Variants in MAGI1 observed in about 807,000 individuals in gnomAD.
The protein encoded by MAGI1 is membrane-associated guanylate kinase, WW and PDZ domain-containing protein 1.
MAGI1 carries 58 observed loss-of-function variants against 139.9 expected under a neutral mutation model. The observed-to-expected ratio is 0.41, with a 90% CI of 0.34 to 0.52. The LOEUF is 0.52. MAGI1 is among the 20% of genes least tolerant of loss of function. MAGI1 has a pLI of 0.12. For synonymous variants in MAGI1, 812 were observed against 737.9 expected, an observed-to-expected ratio of 1.10 and a Z score of -1.63; for missense variants, 1,874 against 1,901.6, an observed-to-expected ratio of 0.99 and a Z score of 0.27.
At chr3:65,803,797 G>A (rs1484463398) in intron 1 of MAGI1, among the ~76,000 whole-genome samples, 2 of 152,106 alleles carry the variant, frequency 1.3e-5, no homozygotes, top group Admixed American at 1.3e-4. Context: ...AGAACATGCA[G>A]TATTGGTGCT....
intron 1 of MAGI1, among the ~76,000 whole-genome samples, chr3:65,878,652 GATAAAGCAC>G (rs1411356903): frequency 6.6e-6 from 1 of 151,944 alleles, no homozygotes; most frequent in African/African-American, 2.4e-5. Flanking sequence ...AAAAGTAAAA[GATAAAGCAC>G]ACCAGTGACA....
chr3:65,678,054 C>T (rs974222807), intron 1 of MAGI1, among the ~76,000 whole-genome samples: 2 of 152,174 alleles, frequency 1.3e-5, no homozygotes, highest in African/African-American at 4.8e-5. Flanking sequence ...CCATCATTTT[C>T]AGCTAATTAA....
intron 1 of MAGI1, among the ~76,000 whole-genome samples, chr3:65,836,717 G>C (rs565284704): frequency 6.6e-6 from 1 of 152,106 alleles, no homozygotes; most frequent in Non-Finnish European, 1.5e-5. Context: ...TACTCGGGTG[G>C]CTGAGGCAGA....
intron 2 of MAGI1, among the ~76,000 whole-genome samples, chr3:65,542,261 A>T (rs1229280414): frequency 1.3e-5 from 2 of 152,234 alleles, no homozygotes; most frequent in Non-Finnish European, 2.9e-5. Flanking sequence ...TGCTCAAGGA[A>T]ATAAGTCAGG....
At chr3:65,475,666 C>A (rs1313737233) in intron 4 of MAGI1, among the ~76,000 whole-genome samples, 15 of 152,064 alleles carry the variant, frequency 9.9e-5, no homozygotes, top group Non-Finnish European at 2.2e-4. Context: ...ATAATTTGGG[C>A]ACAATTTGTA....
chr3:65,781,236 T>C (rs745622929), intron 1 of MAGI1, among the ~76,000 whole-genome samples: 1 of 151,618 alleles, frequency 6.6e-6, no homozygotes, highest in East Asian at 1.9e-4. Context: ...AAAGTTCGGA[T>C]GGAAAACAGA....
In MAGI1 at chr3:65,382,905, C is replaced by T. The variant is rs1368788083; in HGVS notation, c.2508+627G>A. Among the ~76,000 whole-genome samples, 3 of 152,068 alleles carry T rather than the reference C, an allele frequency of 2.0e-5. No individual in the cohort carries two copies. The East Asian group carries it at 5.8e-4, about 29-fold the overall frequency. On this transcript the variant is annotated intron_variant, in intron 15 of 22. Transcript: ENST00000402939. The stretch of plus-strand genomic sequence containing the variant: ...CAGAACCTGGCACATAGTAAGCGCT[C>T]GATGAATAATGGCTGTTATTACCAC...
At chr3:65,950,067 C>CAAAAAAAAAAAAAAAAAAAAA (rs61696952) in intron 1 of MAGI1, among the ~76,000 whole-genome samples, 6 of 76,714 alleles carry the variant, frequency 7.8e-5, no homozygotes, top group Admixed American at 1.9e-4. Flanking sequence ...AACAAAAAAA[C>CAAAAAAAAAAAAAAAAAAAAA]AAAAAAAAAA....
chr3:65,503,467 G>A (rs1449687502), intron 2 of MAGI1, among the ~76,000 whole-genome samples: 1 of 152,134 alleles, frequency 6.6e-6, no homozygotes, highest in Non-Finnish European at 1.5e-5. Context: ...GTCAGAAACA[G>A]GACCCTTATT....
At chr3:65,723,278 T>C (rs928614789) in intron 1 of MAGI1, among the ~76,000 whole-genome samples, 1 of 152,154 alleles carries the variant, frequency 6.6e-6, no homozygotes, top group Non-Finnish European at 1.5e-5. Context: ...ATCTTGTGTC[T>C]ACAAGAGCAT....
chr3:65,406,418 A>C (rs922219791), intron 12 of MAGI1, among the ~76,000 whole-genome samples: 4 of 152,172 alleles, frequency 2.6e-5, no homozygotes, highest in African/African-American at 9.7e-5. Flanking sequence ...GAAAAACTGC[A>C]CAAAGAGGCT....
At chr3:65,457,627 A>G (rs1215850638) in intron 5 of MAGI1, among the ~76,000 whole-genome samples, 2 of 152,126 alleles carry the variant, frequency 1.3e-5, no homozygotes, top group Non-Finnish European at 2.9e-5. Flanking sequence ...GTATTCTAGT[A>G]TATAGATATA....
At chr3:65,428,620 A>G (rs2107330412) in intron 12 of MAGI1, among the ~76,000 whole-genome samples, 1 of 152,306 alleles carries the variant, frequency 6.6e-6, no homozygotes, top group African/African-American at 2.4e-5. Context: ...AATACCTAAA[A>G]GGAGTCAGGT....
chr3:65,699,419 C>G (rs1179298535), intron 1 of MAGI1, among the ~76,000 whole-genome samples: 1 of 148,376 alleles, frequency 6.7e-6, no homozygotes, highest in Non-Finnish European at 1.5e-5. Context: ...TGTAAAGACA[C>G]ACGCACACAT....
At chr3:65,598,050 G>A (rs1453180254) in intron 2 of MAGI1, among the ~76,000 whole-genome samples, 2 of 152,236 alleles carry the variant, frequency 1.3e-5, no homozygotes, top group African/African-American at 4.8e-5. Context: ...CGAGAAGGGA[G>A]AGAAGATGCC....
intron 5 of MAGI1, among the ~76,000 whole-genome samples, chr3:65,456,353 T>C (rs1044203323): frequency 5.3e-5 from 8 of 152,154 alleles, no homozygotes; most frequent in Admixed American, 3.3e-4. Flanking sequence ...CTCTCTTTAG[T>C]TCACATTCTC....
chr3:65,430,150 G>A lies in MAGI1; in HGVS notation c.1547-10C>T. On this transcript the variant is annotated splice_polypyrimidine_tract_variant and intron_variant, in intron 11 of 22. Coordinates refer to ENST00000402939, the MANE Select transcript of MAGI1 (RefSeq NM_001033057.2). ...CTTACAATCACATCCCCTGTAGAAG[G>A]CAAGAGTGTGGGGGTTAAGAAAACA... 1.2e-6 allele frequency: 2 copies of A among 1,608,958 alleles called. No homozygotes were observed. Among genetic ancestry groups the A allele is most frequent in the Non-Finnish European group, 1.7e-6 (2 of 1,175,852 alleles).
At chr3:65,550,118 CCCACAT>C (rs2079749622) in intron 2 of MAGI1, among the ~76,000 whole-genome samples, 1 of 152,156 alleles carries the variant, frequency 6.6e-6, no homozygotes, top group African/African-American at 2.4e-5. Context: ...AGAAAAGCTA[CCCACAT>C]TAGCTCTGCA....
chr3:66,037,874 G>T, intron 1 of MAGI1, 122 bp downstream of exon 1: 2 of 1,464,554 alleles, frequency 1.4e-6, no homozygotes, highest in Middle Eastern at 4.6e-4. Flanking sequence ...ACCACAGGGC[G>T]CACGGCCTCA....
Sources: gnomAD v4.1 joint callset for allele counts (sites outside exome capture counted in the v4.1 genomes callset) on GRCh38, gnomAD v4.1.1 for gene constraint, MANE v1.5 for transcripts, NCBI Gene and HGNC (gene_info 2026-07-23, HGNC 2026-07-21) for gene names.